PLXNB2: variants seen among roughly 807,000 people sequenced by gnomAD.
PLXNB2 encodes plexin B2, also known as plexin-B2.
In PLXNB2, 85 loss-of-function variants were observed where a neutral mutation model predicts 202.6. The ratio of observed to expected loss-of-function variants is 0.42; its 90% CI spans 0.35 to 0.50. The LOEUF is 0.50. PLXNB2 is among the 20% of genes least tolerant of loss of function. PLXNB2 has a pLI of 0.02. For missense variants in PLXNB2, 2,063 were observed against 2,586.2 expected (o/e 0.80, Z 4.39); for synonymous variants, 1,239 against 1,137.6 (o/e 1.09, Z -1.79).
chr22:50,299,441 C>G (rs946922076), intron 1 of PLXNB2, among the ~76,000 whole-genome samples: 21 of 152,192 alleles, frequency 1.4e-4, no homozygotes, highest in African/African-American at 5.1e-4. Context: ...GCCACGGAGG[C>G]CCCGGAGGCC....
At chr22:50,280,333 G>A (rs1004109826) in intron 25 of PLXNB2, among the ~76,000 whole-genome samples, 156 bp downstream of exon 25, 73 of 152,288 alleles carry the variant, frequency 4.8e-4, no homozygotes, top group African/African-American at 1.5e-3. Context: ...GTTTGTGGCC[G>A]GGGACACCAC....
intron 2 of PLXNB2, among the ~76,000 whole-genome samples, chr22:50,292,385 C>T (rs928538934): frequency 1.3e-5 from 2 of 150,966 alleles, no homozygotes; most frequent in African/African-American, 4.9e-5. Flanking sequence ...AAGAACAAGC[C>T]ACAAAATGCA....
At position 50,307,624 on chromosome 22, in the gene PLXNB2, C is replaced by A; in HGVS notation, c.-145G>T. Reference sequence around the variant, plus strand: ...CGCTGCGCTCTGGCCCGCGCTGCTGCCATGGAGACGGGGCCTTTGTGTGGC... The same window carrying A: ...CGCTGCGCTCTGGCCCGCGCTGCTGACATGGAGACGGGGCCTTTGTGTGGC... On this transcript the variant is annotated 5_prime_UTR_variant, in exon 1 of 37. Transcript: ENST00000359337. 1.0e-6 allele frequency: 1 copy of A among 981,722 alleles called. No individual in the cohort carries two copies. Among genetic ancestry groups the A allele is most frequent in the Non-Finnish European group, 1.2e-6 (1 of 828,436 alleles). 60.8% of individuals were successfully genotyped at this position (981,722 alleles called of 1,614,324 possible).
chr22:50,278,245 G>C lies in PLXNB2; in HGVS notation c.4759C>G (p.Arg1587Gly), dbSNP rs762362721. 6.2e-7 allele frequency: 1 copy of C among 1,610,800 alleles called. No homozygotes were observed. Among genetic ancestry groups the C allele is most frequent in the South Asian group, 1.1e-5 (1 of 91,078 alleles). ...ERHALLEEEN[R>G]VWHLVRPTDE... ...GTCGGCCGCACCAGGTGCCACACCCGGTTCTCCTCCTCCAGGAGGGCATGG... is the reference window on the plus strand; with the variant it reads ...GTCGGCCGCACCAGGTGCCACACCCCGTTCTCCTCCTCCAGGAGGGCATGG... Residue 1587 changes from arginine to glycine, a missense_variant, in exon 31 of 37, where the codon CGG becomes GGG. Arg to Gly is a moderately radical substitution (Grantham distance 125). Transcript: ENST00000359337.
rs1241068352 is a variant in PLXNB2 at position 50,297,961 on chromosome 22, G to A, written c.-73-3183C>T. Among the ~76,000 whole-genome samples the A allele has an allele frequency of 6.6e-6, 1 of 152,130 alleles. No individual in the cohort carries two copies. Among genetic ancestry groups the A allele is most frequent in the Admixed American group, 6.5e-5 (1 of 15,278 alleles). ...ACGTCCATGTTCACTGTGCTCCCTGGAAAGCCCCTGCCCATCCTTTAGACC... is the reference window on the plus strand; with the variant it reads ...ACGTCCATGTTCACTGTGCTCCCTGAAAAGCCCCTGCCCATCCTTTAGACC... On this transcript the variant is annotated intron_variant, in intron 1 of 36. Coordinates refer to ENST00000359337, the MANE Select transcript of PLXNB2 (RefSeq NM_012401.4). This position sits in a 1 kb window ranked among gnomAD's most constrained non-coding sequence, Gnocchi z 5.3.
rs2066609251 is a variant in PLXNB2 at position 50,288,189 on chromosome 22, C to T, written c.1381-152G>A. The T allele has an allele frequency of 3.2e-6, 2 of 628,044 alleles. No homozygotes were observed. Among genetic ancestry groups the T allele is most frequent in the Non-Finnish European group, 2.8e-6 (1 of 361,024 alleles). The allele number at this position is 628,044 out of a possible 1,614,324, so 38.9% of individuals were successfully genotyped here. On this transcript the variant is annotated intron_variant, in intron 5 of 36. Coordinates refer to ENST00000359337, the MANE Select transcript of PLXNB2 (RefSeq NM_012401.4). The surrounding 1 kb of genome is among the most constrained non-coding windows in gnomAD (Gnocchi z 5.0). ...CAGGCTTGATATTAAACAGTTCTGG[C>T]TCTGGGTGGCCATGCCTGGCCCAGG...
At chr22:50,292,481 G>A (rs907917200) in intron 2 of PLXNB2, among the ~76,000 whole-genome samples, 2 of 152,152 alleles carry the variant, frequency 1.3e-5, no homozygotes, top group East Asian at 3.9e-4. Context: ...ACTGAGGCAC[G>A]GAGCAGAATT....
rs368875408 is a variant in PLXNB2, at chr22:50,278,290, G to A, written c.4733-19C>T. ...GCATGGCCTGTGGGGAGCGGGCACT[G>A]AGGGACCCCTACCCAGGTCTGGGGG... On this transcript the variant is annotated intron_variant, in intron 30 of 36. Transcript: ENST00000359337. 6.2e-7 allele frequency: 1 copy of A among 1,610,048 alleles called. No individual in the cohort carries two copies.
At position 50,275,224 on chromosome 22, in the gene PLXNB2, G is replaced by T. The variant is rs1003493145; in HGVS notation, c.*480C>A. The stretch of plus-strand genomic sequence containing the variant: ...AGTGCCGGCACCCTTGGGGAGGCCG[G>T]TGAGGTCAGGAAGGCATCGTACCGC... On this transcript the variant is annotated 3_prime_UTR_variant, in exon 37 of 37. Transcript: ENST00000359337. 4 of 342,350 alleles carry T rather than the reference G, an allele frequency of 1.2e-5. No homozygotes were observed. Among genetic ancestry groups the T allele is most frequent in the African/African-American group, 8.7e-5 (4 of 46,110 alleles). The allele number at this position is 342,350 out of a possible 1,614,324, so 21.2% of individuals were successfully genotyped here.
chr22:50,287,719 A>T lies in PLXNB2; in HGVS notation c.1556T>A (p.Val519Glu). 6.4e-7 allele frequency: 1 copy of T among 1,569,762 alleles called. No individual in the cohort carries two copies. Among genetic ancestry groups the T allele is most frequent in the South Asian group, 1.2e-5 (1 of 86,504 alleles). ...CTGTGGCTGGGCGCTGGTGACGGCC[A>T]CGCAGGACTTGCTTCGGCTCCACAG... ...HWLWSRSKSC[V>E]AVTSAQPQNM... The change falls in exon 7 of 37, where the codon GTG becomes GAG. Residue 519 changes from valine (V) to glutamate (E), a missense_variant. Around this residue, in one of 2 missense-constraint regions of PLXNB2, gnomAD observed 1,303 missense variants for 1,476.8 expected, o/e 0.88. Transcript: ENST00000359337.
chr22:50,292,269 C>T (rs1293170598), intron 2 of PLXNB2, among the ~76,000 whole-genome samples: 4 of 134,246 alleles, frequency 3.0e-5, no homozygotes, highest in Non-Finnish European at 4.6e-5. Flanking sequence ...ACCTGGGAGG[C>T]GGAGGTTGCA....
At chr22:50,279,054 C>G in intron 27 of PLXNB2, 43 bp from the exon 28 acceptor site, 1 of 1,548,346 alleles carries the variant, frequency 6.5e-7, no homozygotes, top group Non-Finnish European at 8.7e-7. Context: ...AGGCCCTGCT[C>G]TTACCTGCAC....
chr22:50,297,504 C>T lies in PLXNB2; in HGVS notation c.-73-2726G>A, dbSNP rs1290433837. ...CCTCCCAGAGAATAACACCATGATC[C>T]CTCCACCCTCAGTCTGGGGCCCTTC... On this transcript the variant is annotated intron_variant, in intron 1 of 36. Coordinates refer to ENST00000359337, the MANE Select transcript of PLXNB2 (RefSeq NM_012401.4). The surrounding 1 kb of genome is among the most constrained non-coding windows in gnomAD (Gnocchi z 5.3). Among the ~76,000 whole-genome samples the T allele has an allele frequency of 6.6e-6, 1 of 152,138 alleles. No individual in the cohort carries two copies. Among genetic ancestry groups the T allele is most frequent in the African/African-American group, 2.4e-5 (1 of 41,420 alleles).
At chr22:50,305,022 T>G (rs1030909331) in intron 1 of PLXNB2, among the ~76,000 whole-genome samples, 1 of 152,180 alleles carries the variant, frequency 6.6e-6, no homozygotes, top group African/African-American at 2.4e-5. Flanking sequence ...AACTCCCAGC[T>G]CAGGGGAAGG....
At chr22:50,277,779 G>C (rs752702628) in intron 32 of PLXNB2, 41 bp from the exon 33 acceptor site, 1 of 1,596,866 alleles carries the variant, frequency 6.3e-7, no homozygotes. Flanking sequence ...GGGCTGGGCC[G>C]CGGGGTGGGT....
chr22:50,290,110 A>C lies in PLXNB2; in HGVS notation c.475T>G (p.Ser159Ala). The C allele has an allele frequency of 1.2e-6, 2 of 1,613,072 alleles. No homozygotes were observed. Among genetic ancestry groups the C allele is most frequent in the Non-Finnish European group, 1.7e-6 (2 of 1,179,972 alleles). The change falls in exon 3 of 37, where the codon TCC (serine) becomes GCC (alanine). Residue 159 changes from serine (S) to alanine (A), a missense_variant. By Grantham distance (99) the Ser-to-Ala change is moderately conservative. Around this residue, in one of 2 missense-constraint regions of PLXNB2, gnomAD observed 1,303 missense variants for 1,476.8 expected, o/e 0.88. Transcript: ENST00000359337. ...EGVATVGLVS[S>A]TGPGGDRVLF... ...ACGCGGTCACCACCAGGACCCGTGG[A>C]GCTCACCAGCCCCACTGTGGCCACG...
In PLXNB2 at chr22:50,275,024, A is replaced by G; in HGVS notation, c.*680T>C. ...ATTTGATTTACAATGAACAAGATTTACAAAAAGGGGTGGGGTGGTCTTGGA... is the reference window on the plus strand; with the variant it reads ...ATTTGATTTACAATGAACAAGATTTGCAAAAAGGGGTGGGGTGGTCTTGGA... On this transcript the variant is annotated 3_prime_UTR_variant, in exon 37 of 37. Transcript: ENST00000359337. 1 of 167,956 alleles carries G rather than the reference A, an allele frequency of 6.0e-6. No individual in the cohort carries two copies. Among genetic ancestry groups the G allele is most frequent in the East Asian group, 1.9e-4 (1 of 5,236 alleles). 10.4% of individuals were successfully genotyped at this position (167,956 alleles called of 1,614,324 possible).
At chr22:50,280,719 C>T in intron 24 of PLXNB2, 25 bp downstream of exon 24, 1 of 1,448,098 alleles carries the variant, frequency 6.9e-7, no homozygotes, top group East Asian at 2.5e-5. Flanking sequence ...TGTGTGCCCT[C>T]CCGCCCGCCC....
chr22:50,276,673 C>T lies in PLXNB2; in HGVS notation c.5293G>A (p.Val1765Ile). ...YYKGIRQMVQ[V>I]SDQDMNTHLA... ...TGTGTGTTCATGTCCTGGTCGCTGA[C>T]CTGCACCATCTGCCGGATCCCCTTG... Residue 1765 changes from valine to isoleucine, a missense_variant, in exon 35 of 37, where the codon GTC (valine) becomes ATC (isoleucine). Coordinates refer to ENST00000359337, the MANE Select transcript of PLXNB2 (RefSeq NM_012401.4). The T allele has an allele frequency of 6.2e-7, 1 of 1,613,834 alleles. No homozygotes were observed.
Sources: allele counts gnomAD v4.1 joint callset (sites outside exome capture counted in the v4.1 genomes callset), GRCh38; gene constraint gnomAD v4.1.1; regional missense constraint gnomAD v4.1.1; non-coding constraint Gnocchi (gnomAD v3.1); transcripts MANE v1.5; gene names NCBI Gene and HGNC (gene_info 2026-07-23, HGNC 2026-07-21).